HTR1E: variants seen among roughly 807,000 people sequenced by gnomAD.
HTR1E encodes 5-hydroxytryptamine receptor 1E.
In HTR1E, 3 loss-of-function variants were observed where a neutral mutation model predicts 3.4. The observed-to-expected ratio is 0.89, with a 90% CI of 0.41 to 2.31. The LOEUF (loss-of-function observed/expected upper bound fraction) is 2.31. Among genes scored for constraint, HTR1E ranks in the 30% most tolerant of loss-of-function variants. HTR1E has a pLI of 0.05. For synonymous variants in HTR1E, 170 were observed against 182.8 expected (o/e 0.93, Z 0.56); for missense variants, 392 against 467.0 (o/e 0.84, Z 1.48).
intron 1 of HTR1E, among the ~76,000 whole-genome samples, chr6:86,973,305 T>C (rs1273438830): frequency 8.8e-5 from 2 of 22,622 alleles, no homozygotes; most frequent in Non-Finnish European, 2.3e-4. Context: ...TGGCTGTGTG[T>C]GTGTGTGTGT....
Position 86,954,913 on chromosome 6 carries a change from T to A in HTR1E, c.-186+17090T>A, listed in dbSNP as rs140995556. Among the ~76,000 whole-genome samples the A allele has an allele frequency of 2.6e-5, 4 of 152,322 alleles. No individual in the cohort carries two copies. In the East Asian group the frequency reaches 7.7e-4, roughly 29 times the overall value. ...TCCTTCTTATCTTGGAAACAACCTCTAATGAGAGAAATATTCCAGAGCACC... is the reference window on the plus strand; with the variant it reads ...TCCTTCTTATCTTGGAAACAACCTCAAATGAGAGAAATATTCCAGAGCACC... On this transcript the variant is annotated intron_variant, in intron 1 of 1. Transcript: ENST00000305344.
chr6:87,016,532 GAGT>G lies in HTR1E; in HGVS notation c.*101_*103del. ...ATTCTTGAACATACTTGGTTCAGGA[GAGT>G]TTGTAAGTATGTGTGGTCTTGTTTC... On this transcript the variant is annotated 3_prime_UTR_variant, in exon 2 of 2. Transcript: ENST00000305344. 1 of 971,284 alleles carries G rather than the reference GAGT, an allele frequency of 1.0e-6. No homozygotes were observed. The highest frequency in any genetic ancestry group is 1.5e-6 in the Non-Finnish European group (1 of 653,366). 60.2% of individuals were successfully genotyped at this position (971,284 alleles called of 1,614,324 possible). A position where few individuals can be genotyped will look rare whatever the true frequency, so the allele number is the denominator to read the frequency against.
chr6:86,941,798 C>T (rs1054903302), intron 1 of HTR1E, among the ~76,000 whole-genome samples: 2 of 151,436 alleles, frequency 1.3e-5, no homozygotes, highest in African/African-American at 4.9e-5. Flanking sequence ...ACTCTCAGAT[C>T]CTCCTAATGA....
At chr6:86,972,179 A>T (rs377744388) in intron 1 of HTR1E, among the ~76,000 whole-genome samples, 1 of 152,224 alleles carries the variant, frequency 6.6e-6, no homozygotes, top group East Asian at 1.9e-4. Flanking sequence ...TTCAATTGCC[A>T]TCTTAAAATA....
chr6:87,005,558 C>T (rs919856284), intron 1 of HTR1E, among the ~76,000 whole-genome samples: 4 of 152,070 alleles, frequency 2.6e-5, no homozygotes, highest in African/African-American at 9.7e-5. Context: ...ATGAAATAGA[C>T]CCCTATGTAT....
intron 1 of HTR1E, among the ~76,000 whole-genome samples, chr6:86,950,686 C>T (rs753250549): frequency 1.9e-4 from 29 of 152,204 alleles, no homozygotes; most frequent in Admixed American, 4.6e-4. Flanking sequence ...TGCTTCATCA[C>T]TGGCTCTAAA....
chr6:86,988,487 C>T (rs968023392), intron 1 of HTR1E, among the ~76,000 whole-genome samples: 4 of 152,132 alleles, frequency 2.6e-5, no homozygotes, highest in African/African-American at 9.7e-5. Context: ...CGAATTCCCA[C>T]AGAATGATGG....
chr6:87,008,309 A>G (rs1768148510), intron 1 of HTR1E, among the ~76,000 whole-genome samples: 1 of 152,204 alleles, frequency 6.6e-6, no homozygotes, highest in African/African-American at 2.4e-5. Context: ...AGGCAAAGAA[A>G]AGTATTTTCA....
chr6:86,983,540 A>C (rs1192015011), intron 1 of HTR1E, among the ~76,000 whole-genome samples: 1 of 152,176 alleles, frequency 6.6e-6, no homozygotes, highest in Admixed American at 6.6e-5. Flanking sequence ...GGAAATGACG[A>C]GGGGTTGGTT....
intron 1 of HTR1E, among the ~76,000 whole-genome samples, chr6:87,010,208 C>G (rs1244490097): frequency 9.3e-6 from 1 of 107,462 alleles, no homozygotes; most frequent in Non-Finnish European, 1.8e-5. Flanking sequence ...ACCTCCCTCC[C>G]GGATGGGGTG....
At chr6:86,993,077 T>C (rs757920320) in intron 1 of HTR1E, among the ~76,000 whole-genome samples, 9 of 152,038 alleles carry the variant, frequency 5.9e-5, no homozygotes, top group Non-Finnish European at 1.0e-4. Flanking sequence ...GGTTTTTTTG[T>C]GCAAGACCTG....
intron 1 of HTR1E, among the ~76,000 whole-genome samples, chr6:86,944,842 T>C (rs1269482830): frequency 6.6e-6 from 1 of 152,210 alleles, no homozygotes; most frequent in Admixed American, 6.5e-5. Flanking sequence ...GCACAATGTA[T>C]CGCTCATGTG....
intron 1 of HTR1E, among the ~76,000 whole-genome samples, chr6:86,957,922 G>C (rs186110395): frequency 6.6e-6 from 1 of 152,278 alleles, no homozygotes; most frequent in East Asian, 1.9e-4. Flanking sequence ...GAGGGGGCCT[G>C]TCACCTTTAG....
chr6:86,949,446 G>T (rs1767189677), intron 1 of HTR1E, among the ~76,000 whole-genome samples: 1 of 152,170 alleles, frequency 6.6e-6, no homozygotes. Context: ...AGATTTAGCA[G>T]CCAAGCTAAA....
At chr6:86,983,073 A>C (rs1037378340) in intron 1 of HTR1E, among the ~76,000 whole-genome samples, 4 of 152,226 alleles carry the variant, frequency 2.6e-5, no homozygotes, top group African/African-American at 7.2e-5. Flanking sequence ...CTTGTTTTCT[A>C]TAAATAAGCC....
chr6:86,978,032 TTGA>T, intron 1 of HTR1E, among the ~76,000 whole-genome samples: 3 of 152,290 alleles, frequency 2.0e-5, no homozygotes, highest in Admixed American at 2.0e-4. Flanking sequence ...ACAGAACAAT[TTGA>T]TGAAGATTTA....
Position 86,950,213 on chromosome 6 carries a change from T to A in HTR1E, c.-186+12390T>A, listed in dbSNP as rs183855297. 1.8e-3 allele frequency among the ~76,000 whole-genome samples: 252 copies of A among 141,460 alleles called. 1 individual carries two copies. Among genetic ancestry groups the A allele is most frequent in the African/African-American group, 6.2e-3 (243 of 39,328 alleles). 92.8% of individuals were successfully genotyped at this position (141,460 alleles called of 152,430 possible). ...TTCACTATTCTTGAAAAAGTACATG[T>A]TATCTTATATTTAATGTCATACTAT... On this transcript the variant is annotated intron_variant, in intron 1 of 1. Transcript: ENST00000305344.
At chr6:86,996,662 G>A (rs1488069601) in intron 1 of HTR1E, among the ~76,000 whole-genome samples, 2 of 151,940 alleles carry the variant, frequency 1.3e-5, no homozygotes, top group African/African-American at 4.8e-5. Flanking sequence ...AAATGAAATT[G>A]ATCAATACCT....
intron 1 of HTR1E, among the ~76,000 whole-genome samples, chr6:86,969,091 G>A (rs1242420851): frequency 6.6e-6 from 1 of 152,020 alleles, no homozygotes; most frequent in African/African-American, 2.4e-5. Context: ...CCTTGTAGGG[G>A]AAGTGCTTTG....
Sources: gnomAD v4.1 joint callset for allele counts (sites outside exome capture counted in the v4.1 genomes callset) on GRCh38, gnomAD v4.1.1 for gene constraint, MANE v1.5 for transcripts, NCBI Gene and HGNC (gene_info 2026-07-23, HGNC 2026-07-21) for gene names.